SSBP2: variants seen among roughly 807,000 people sequenced by gnomAD.
SSBP2 encodes single stranded DNA binding protein 2, also known as single-stranded DNA-binding protein 2.
In SSBP2, 17 loss-of-function variants were observed where a neutral mutation model predicts 61.8. That is an observed-to-expected ratio of 0.28 (90% CI 0.19 to 0.41). The LOEUF (loss-of-function observed/expected upper bound fraction) is 0.41. Ranked by LOEUF, SSBP2 falls within the 10% of genes least tolerant of loss-of-function variation. SSBP2 has a pLI of 1.00. For synonymous variants in SSBP2, 139 were observed against 141.3 expected, an observed-to-expected ratio of 0.98 and a Z score of 0.12; for missense variants, 310 against 458.7, an observed-to-expected ratio of 0.68 and a Z score of 2.96.
intron 4 of SSBP2, among the ~76,000 whole-genome samples, chr5:81,537,597 T>A (rs1770909796): frequency 6.6e-6 from 1 of 152,200 alleles, no homozygotes; most frequent in African/African-American, 2.4e-5. Flanking sequence ...CCATTCATCA[T>A]TTATCCAACA....
intron 1 of SSBP2, among the ~76,000 whole-genome samples, chr5:81,695,801 TTTAA>T (rs1367767254): frequency 3.3e-5 from 5 of 152,136 alleles, no homozygotes; most frequent in Non-Finnish European, 7.4e-5. Flanking sequence ...GTGGATTTTA[TTTAA>T]TTATGTCTTC....
In SSBP2 at chr5:81,437,434, G is replaced by C; in HGVS notation, c.953C>G (p.Ser318Cys). Reference sequence around the variant, plus strand: ...CACAGAATACACAGCACTCACCTTGGAAATACTGTCCATATCTCCTGAGCC... The same window carrying C: ...CACAGAATACACAGCACTCACCTTGCAAATACTGTCCATATCTCCTGAGCC... The change falls in exon 15 of 17, where the codon TCC becomes TGC. Residue 318 changes from serine to cysteine, a missense_variant. Ser to Cys is a moderately radical substitution (Grantham distance 112). Around this residue, in one of 4 missense-constraint regions of SSBP2, gnomAD observed 44 missense variants for 86.2 expected, o/e 0.51. Transcript: ENST00000320672. The C allele has an allele frequency of 3.7e-6, 6 of 1,606,090 alleles. No individual in the cohort carries two copies. Among genetic ancestry groups the C allele is most frequent in the Non-Finnish European group, 5.1e-6 (6 of 1,177,524 alleles).
intron 5 of SSBP2, among the ~76,000 whole-genome samples, chr5:81,491,350 T>C (rs1766840548): frequency 2.0e-5 from 3 of 152,176 alleles, no homozygotes; most frequent in Admixed American, 2.0e-4. Context: ...AAATACCAAA[T>C]GTTGAGATAA....
chr5:81,424,737 T>C (rs1482402030), intron 16 of SSBP2, among the ~76,000 whole-genome samples: 1 of 152,206 alleles, frequency 6.6e-6, no homozygotes, highest in Non-Finnish European at 1.5e-5. Context: ...TGCTATAGAT[T>C]ACTATTCTTC....
At chr5:81,437,791 A>G (rs1289479657) in intron 14 of SSBP2, 2 of 167,776 alleles carry the variant, frequency 1.2e-5, no homozygotes, top group Non-Finnish European at 1.3e-5. Flanking sequence ...AAATGTATAT[A>G]TAACATATAT....
At chr5:81,532,478 T>G (rs1352552961) in intron 4 of SSBP2, among the ~76,000 whole-genome samples, 1 of 151,694 alleles carries the variant, frequency 6.6e-6, no homozygotes, top group Non-Finnish European at 1.5e-5. Context: ...AATGAAATAG[T>G]AAAAATTAAT....
intron 16 of SSBP2, among the ~76,000 whole-genome samples, chr5:81,428,320 C>G (rs946108211): frequency 2.6e-5 from 4 of 152,148 alleles, no homozygotes; most frequent in African/African-American, 9.6e-5. Flanking sequence ...AATAGGCAAC[C>G]TGTTTCCAGT....
intron 5 of SSBP2, among the ~76,000 whole-genome samples, chr5:81,492,452 G>A (rs779552103): frequency 3.9e-5 from 6 of 152,198 alleles, no homozygotes; most frequent in African/African-American, 9.6e-5. Flanking sequence ...TGCAGTGAAC[G>A]GAGATCACGC....
chr5:81,516,466 C>G (rs1181843661), intron 4 of SSBP2, among the ~76,000 whole-genome samples: 3 of 152,048 alleles, frequency 2.0e-5, no homozygotes, highest in African/African-American at 7.2e-5. Context: ...TGGTAATTAT[C>G]CAGTACACCC....
At chr5:81,689,764 C>A (rs1237584021) in intron 1 of SSBP2, among the ~76,000 whole-genome samples, 6 of 152,094 alleles carry the variant, frequency 3.9e-5, no homozygotes, top group African/African-American at 1.4e-4. Flanking sequence ...TTTAAAGGTA[C>A]AAAACTTACT....
chr5:81,505,329 A>G lies in SSBP2; in HGVS notation c.372+8299T>C, dbSNP rs531843187. On this transcript the variant is annotated intron_variant, in intron 5 of 16. Coordinates refer to ENST00000320672, the MANE Select transcript of SSBP2 (RefSeq NM_012446.5). ...GGAAAATTTTGTTGACCCCTGATAT[A>G]GAACATAAGACAAATTGTTCCTGAA... 1.1e-4 allele frequency among the ~76,000 whole-genome samples: 16 copies of G among 152,336 alleles called. No individual in the cohort carries two copies. In the South Asian group the frequency reaches 3.1e-3, roughly 30 times the overall value.
rs929575758 is a variant in SSBP2, at chr5:81,460,949, G to C, written c.687+106C>G. ...CTTTTTGAATGATTACTTAAAAAAG[G>C]GTTACTACAACCAATTGCAAAGCTT... is the stretch of plus-strand genomic sequence containing the variant. On this transcript the variant is annotated intron_variant, in intron 10 of 16. Coordinates refer to ENST00000320672, the MANE Select transcript of SSBP2 (RefSeq NM_012446.5). 3 of 537,440 alleles carry C rather than the reference G, an allele frequency of 5.6e-6. No homozygotes were observed. The African/African-American group carries it at 6.1e-5, about 11-fold the overall frequency. 33.3% of individuals were successfully genotyped at this position (537,440 alleles called of 1,614,324 possible). A position where few individuals can be genotyped will look rare whatever the true frequency, so the allele number is the denominator to read the frequency against.
intron 1 of SSBP2, among the ~76,000 whole-genome samples, chr5:81,668,878 T>A (rs1581299664): frequency 6.6e-6 from 1 of 152,140 alleles, no homozygotes; most frequent in East Asian, 1.9e-4. Flanking sequence ...AAAGGAATAA[T>A]TTTAGCCAAG....
chr5:81,623,410 A>G (rs1478507842), intron 3 of SSBP2, among the ~76,000 whole-genome samples: 2 of 138,782 alleles, frequency 1.4e-5, no homozygotes, highest in East Asian at 2.1e-4. Flanking sequence ...ATCTCAGCTC[A>G]CTGCAAGCTC....
chr5:81,571,628 G>A (rs1244873128), intron 4 of SSBP2, among the ~76,000 whole-genome samples: 2 of 152,054 alleles, frequency 1.3e-5, no homozygotes, highest in African/African-American at 2.4e-5. Flanking sequence ...TTATGTAACT[G>A]GCTAAAGTAG....
intron 1 of SSBP2, among the ~76,000 whole-genome samples, chr5:81,678,338 C>G (rs1424418941): frequency 6.8e-6 from 1 of 147,278 alleles, no homozygotes; most frequent in Non-Finnish European, 1.5e-5. Flanking sequence ...TTGAGGATAT[C>G]TCAACAAGAA....
intron 1 of SSBP2, among the ~76,000 whole-genome samples, chr5:81,722,372 G>A (rs1043371529): frequency 2.0e-5 from 3 of 149,506 alleles, no homozygotes; most frequent in African/African-American, 4.9e-5. Flanking sequence ...AAGGTCAGTC[G>A]CCTTACTCTC....
At chr5:81,632,847 T>C (rs760063751) in intron 3 of SSBP2, among the ~76,000 whole-genome samples, 1 of 152,212 alleles carries the variant, frequency 6.6e-6, no homozygotes, top group Non-Finnish European at 1.5e-5. Flanking sequence ...GTTGACTATA[T>C]ACCATTTCCC....
chr5:81,445,155 T>TATATATATATATATAG (rs1763313227), intron 12 of SSBP2, among the ~76,000 whole-genome samples: 1 of 88,496 alleles, frequency 1.1e-5, no homozygotes, highest in Non-Finnish European at 2.4e-5. Context: ...TATATATATA[T>TATATATATATATATAG]ATATATATAT....
Sources: gnomAD v4.1 joint callset for allele counts (sites outside exome capture counted in the v4.1 genomes callset) on GRCh38, gnomAD v4.1.1 for gene constraint, gnomAD v4.1.1 regional missense constraint, MANE v1.5 for transcripts, NCBI Gene and HGNC (gene_info 2026-07-23, HGNC 2026-07-21) for gene names.